NOS1: variants seen among roughly 807,000 people sequenced by gnomAD.
The protein encoded by NOS1 is NOS type I.
NOS1 carries 51 observed loss-of-function variants against 164.5 expected under a neutral mutation model. The observed-to-expected ratio is 0.31, with a 90% CI of 0.25 to 0.39. NOS1 has a LOEUF of 0.39. Ranked by LOEUF, NOS1 falls within the 10% of genes least tolerant of loss-of-function variation. The probability of loss-of-function intolerance (pLI) is 1.00; values close to 1 mark genes in which losing one functional copy is unlikely to be tolerated. For missense variants in NOS1, 1,362 were observed against 1,885.6 expected, an observed-to-expected ratio of 0.72 and a Z score of 5.14; for synonymous variants, 719 against 745.8, an observed-to-expected ratio of 0.96 and a Z score of 0.59.
rs974310132 is a variant in NOS1 at position 117,225,551 on chromosome 12, A to G, written c.3705-414T>C. The stretch of plus-strand genomic sequence containing the variant: ...GTGACAACTCATAATGTCTCCAGAC[A>G]TTGTCAAATGTCCCTGGGTGGCAGG... On this transcript the variant is annotated intron_variant, in intron 24 of 28. Coordinates refer to ENST00000317775, the MANE Select transcript of NOS1 (RefSeq NM_000620.5). 2.0e-5 allele frequency among the ~76,000 whole-genome samples: 3 copies of G among 152,186 alleles called. No homozygotes were observed. The South Asian group carries it at 6.2e-4, about 32-fold the overall frequency.
intron 25 of NOS1, 39 bp downstream of exon 25, chr12:117,224,977 C>A: frequency 6.2e-7 from 1 of 1,613,424 alleles, no homozygotes; most frequent in Non-Finnish European, 8.5e-7. Flanking sequence ...TCCCCAGGTC[C>A]GGGGGTGGGA....
At chr12:117,295,093 A>T (rs1462638356) in intron 3 of NOS1, among the ~76,000 whole-genome samples, 2 of 152,162 alleles carry the variant, frequency 1.3e-5, no homozygotes, top group African/African-American at 4.8e-5. Flanking sequence ...TCTCCCCTTC[A>T]ACAAGTGCAT....
chr12:117,278,214 A>C (rs1873342058), intron 8 of NOS1, 116 bp from the exon 9 acceptor site: 12 of 1,219,892 alleles, frequency 9.8e-6, no homozygotes. Context: ...CCCAGGAGAC[A>C]TTTCCTCTGG....
intron 1 of NOS1, among the ~76,000 whole-genome samples, chr12:117,358,954 G>A (rs767972828): frequency 6.6e-6 from 1 of 152,232 alleles, no homozygotes; most frequent in Non-Finnish European, 1.5e-5. Flanking sequence ...TTAAGAAGCC[G>A]AAAATTGGGG....
In NOS1 at chr12:117,294,868, A is replaced by G. The variant is rs113114889; in HGVS notation, c.853-4442T>C. ...CGCCCCTAAGTGTGCAAAGGAGGCCATGATCTCATGGGCATTTTCATAGCC... is the reference window on the plus strand; with the variant it reads ...CGCCCCTAAGTGTGCAAAGGAGGCCGTGATCTCATGGGCATTTTCATAGCC... On this transcript the variant is annotated intron_variant, in intron 3 of 28. Transcript: ENST00000317775. Among the ~76,000 whole-genome samples, 606 of 152,248 alleles carry G rather than the reference A, an allele frequency of 4.0e-3. 3 individuals carry two copies. Among genetic ancestry groups the G allele is most frequent in the African/African-American group, 0.014 (569 of 41,546 alleles).
rs1258307610 is a variant in NOS1, at chr12:117,312,084, C to G, written c.726-492G>C. ...TTCTGACCCTGGCTAAGACTTTCGG[C>G]TTTGAACAATAGCAGCTCAGGACAA... is the stretch of plus-strand genomic sequence containing the variant. On this transcript the variant is annotated intron_variant, in intron 2 of 28. Transcript: ENST00000317775. 2.0e-5 allele frequency among the ~76,000 whole-genome samples: 3 copies of G among 152,172 alleles called. No homozygotes were observed. In the East Asian group the frequency reaches 5.8e-4, roughly 29 times the overall value.
chr12:117,255,967 C>T lies in NOS1; in HGVS notation c.2532-2213G>A, dbSNP rs370049636. 2.1e-4 allele frequency: 319 copies of T among 1,488,598 alleles called. No individual in the cohort carries two copies. The South Asian group carries it at 2.2e-3, about 10-fold the overall frequency. The allele number at this position is 1,488,598 out of a possible 1,614,324, so 92.2% of individuals were successfully genotyped here. On this transcript the variant is annotated intron_variant, in intron 16 of 28. Coordinates refer to ENST00000317775, the MANE Select transcript of NOS1 (RefSeq NM_000620.5). ...TGGCTGTCACGGGCTGCAGCCAGACCGTGGACTTCTGTGTCACCATTGGGG... is the reference window on the plus strand; with the variant it reads ...TGGCTGTCACGGGCTGCAGCCAGACTGTGGACTTCTGTGTCACCATTGGGG...
intron 1 of NOS1, among the ~76,000 whole-genome samples, chr12:117,346,955 A>G (rs1004117556): frequency 1.1e-4 from 16 of 152,204 alleles, no homozygotes; most frequent in African/African-American, 3.4e-4. Flanking sequence ...TAATACAGTT[A>G]AATTTTTTCC....
intron 2 of NOS1, among the ~76,000 whole-genome samples, chr12:117,318,713 G>A (rs1004393397): frequency 6.6e-6 from 1 of 152,246 alleles, no homozygotes; most frequent in African/African-American, 2.4e-5. Flanking sequence ...CCTGAGAGGG[G>A]AGCAGGTGGG....
At chr12:117,326,930 C>T (rs966511705) in intron 2 of NOS1, among the ~76,000 whole-genome samples, 6 of 152,256 alleles carry the variant, frequency 3.9e-5, no homozygotes, top group East Asian at 1.9e-4. Context: ...GAGGATCAAA[C>T]GAACTCCCTG....
chr12:117,260,134 CAAAAAACAAAAAAACA>C (rs1555252938), intron 14 of NOS1, among the ~76,000 whole-genome samples: 39 of 131,938 alleles, frequency 3.0e-4, no homozygotes, highest in African/African-American at 9.0e-4. Context: ...AAAAAAAAAA[CAAAAAACAAAAAAACA>C]AAAAAACAAA....
chr12:117,282,209 A>G (rs1873730307), intron 7 of NOS1, among the ~76,000 whole-genome samples: 1 of 151,826 alleles, frequency 6.6e-6, no homozygotes, highest in South Asian at 2.1e-4. Context: ...CATCATCATC[A>G]GGATTGGAAA....
At chr12:117,255,560 A>G (rs1198489746) in intron 16 of NOS1, among the ~76,000 whole-genome samples, 1 of 152,186 alleles carries the variant, frequency 6.6e-6, no homozygotes, top group Non-Finnish European at 1.5e-5. Flanking sequence ...TGAGTCATGC[A>G]ATATATCAGG....
chr12:117,321,598 G>C (rs1376881887), intron 2 of NOS1, among the ~76,000 whole-genome samples: 1 of 152,154 alleles, frequency 6.6e-6, no homozygotes, highest in Non-Finnish European at 1.5e-5. Flanking sequence ...AGGGTGGATG[G>C]GGAGCTGCTT....
At chr12:117,289,322 A>G (rs537489866) in intron 4 of NOS1, among the ~76,000 whole-genome samples, 2 of 152,326 alleles carry the variant, frequency 1.3e-5, no homozygotes, top group Admixed American at 6.5e-5. Context: ...AAGCATTTAC[A>G]TAAGAGAGTG....
rs1449545153 is a variant in NOS1, at chr12:117,243,791, T to A, written c.2824-356A>T. 6.7e-6 allele frequency among the ~76,000 whole-genome samples: 1 copy of A among 149,150 alleles called. No homozygotes were observed. Among genetic ancestry groups the A allele is most frequent in the Non-Finnish European group, 1.5e-5 (1 of 67,258 alleles). ...ACCCACCCACCCATCCATCTTTCCA[T>A]GCATCCATCCTTCCCTCCATCTACC... On this transcript the variant is annotated intron_variant, in intron 18 of 28. Coordinates refer to ENST00000317775, the MANE Select transcript of NOS1 (RefSeq NM_000620.5). The surrounding 1 kb of genome is among the most constrained non-coding windows in gnomAD (Gnocchi z 4.3).
chr12:117,237,748 G>A (rs768068476), intron 20 of NOS1, among the ~76,000 whole-genome samples: 3 of 152,152 alleles, frequency 2.0e-5, no homozygotes, highest in Admixed American at 6.5e-5. Context: ...ACTGCTCAAG[G>A]TAACAAGGTT....
At chr12:117,343,099 C>T (rs911644141) in intron 1 of NOS1, among the ~76,000 whole-genome samples, 5 of 151,120 alleles carry the variant, frequency 3.3e-5, no homozygotes, top group Non-Finnish European at 5.9e-5. Context: ...GAGGCTGAGG[C>T]GAGAGGATTG....
intron 26 of NOS1, among the ~76,000 whole-genome samples, chr12:117,221,123 A>AATTT (rs1187348191): frequency 1.4e-5 from 2 of 139,304 alleles, no homozygotes; most frequent in African/African-American, 5.8e-5. Flanking sequence ...TGGGCTGTTA[A>AATTT]ATTTATTTTT....
Sources: allele counts gnomAD v4.1 joint callset (sites outside exome capture counted in the v4.1 genomes callset), GRCh38; gene constraint gnomAD v4.1.1; non-coding constraint Gnocchi (gnomAD v3.1); transcripts MANE v1.5; gene names NCBI Gene and HGNC (gene_info 2026-07-23, HGNC 2026-07-21).